The following SGCZ variants were observed in gnomAD, a reference collection of about 807,000 sequenced individuals.
The protein encoded by SGCZ is zeta-sarcoglycan.
SGCZ carries 40 observed loss-of-function variants against 41.3 expected under a neutral mutation model. That is an observed-to-expected ratio of 0.97 (90% CI 0.75 to 1.26). The LOEUF (loss-of-function observed/expected upper bound fraction) is 1.26, where lower values mean the gene tolerates loss of function less well. SGCZ is among the 50% of genes most tolerant of loss of function. The pLI is 0.00. For synonymous variants in SGCZ, 206 were observed against 137.5 expected, an observed-to-expected ratio of 1.50 and a Z score of -3.49; for missense variants, 552 against 369.8, an observed-to-expected ratio of 1.49 and a Z score of -4.04.
intron 1 of SGCZ, among the ~76,000 whole-genome samples, chr8:14,988,238 A>G (rs568734177): frequency 4.1e-5 from 6 of 147,648 alleles, no homozygotes; most frequent in Admixed American, 6.9e-5. Context: ...TATCCAATAT[A>G]AAGGTATACA....
chr8:14,247,820 G>A (rs2410185), intron 3 of SGCZ, among the ~76,000 whole-genome samples: 151,543 of 152,276 alleles, frequency 1, 75,413 homozygotes, highest in East Asian at 1. Flanking sequence ...TCACTATGGG[G>A]ACATGATTGA....
At chr8:14,861,259 T>G (rs1769145641) in intron 1 of SGCZ, among the ~76,000 whole-genome samples, 1 of 152,198 alleles carries the variant, frequency 6.6e-6, no homozygotes, top group Non-Finnish European at 1.5e-5. Context: ...CAATCACATG[T>G]GTTCAAAATA....
intron 2 of SGCZ, among the ~76,000 whole-genome samples, chr8:14,511,698 G>GA (rs1354371004): frequency 6.6e-6 from 1 of 152,138 alleles, no homozygotes; most frequent in East Asian, 1.9e-4. Context: ...ATTTAGGGAA[G>GA]AAAAGGACGT....
At chr8:14,540,664 T>A (rs1192895098) in intron 2 of SGCZ, among the ~76,000 whole-genome samples, 3 of 151,966 alleles carry the variant, frequency 2.0e-5, no homozygotes, top group African/African-American at 7.2e-5. Context: ...ATAATGTCCT[T>A]ATGTTAGTGA....
chr8:15,164,803 C>A (rs530382989), intron 1 of SGCZ, among the ~76,000 whole-genome samples: 1 of 152,100 alleles, frequency 6.6e-6, no homozygotes, highest in Admixed American at 6.6e-5. Flanking sequence ...GTGCTGCAAG[C>A]CTCCATCTTG....
chr8:14,663,925 C>A (rs905881195), intron 1 of SGCZ, among the ~76,000 whole-genome samples: 3 of 152,126 alleles, frequency 2.0e-5, no homozygotes, highest in Non-Finnish European at 4.4e-5. Context: ...AAGGATGGAA[C>A]AAGTTAGAGA....
At chr8:14,162,001 G>C (rs1037455801) in intron 5 of SGCZ, among the ~76,000 whole-genome samples, 7 of 152,098 alleles carry the variant, frequency 4.6e-5, no homozygotes, top group African/African-American at 1.7e-4. Context: ...CTGCCTTAAG[G>C]CACTGAATTA....
chr8:14,244,904 T>C (rs1245050015), intron 3 of SGCZ, among the ~76,000 whole-genome samples: 1 of 151,988 alleles, frequency 6.6e-6, no homozygotes, highest in Non-Finnish European at 1.5e-5. Context: ...TGTCTGTTAT[T>C]GGTGTATAAG....
chr8:14,136,926 G>T (rs1324386833), intron 5 of SGCZ, among the ~76,000 whole-genome samples: 1 of 152,196 alleles, frequency 6.6e-6, no homozygotes, highest in Non-Finnish European at 1.5e-5. Flanking sequence ...CATACAGCAG[G>T]TGCCCCTCTG....
chr8:15,121,129 AATGT>A (rs1206407417), intron 1 of SGCZ, among the ~76,000 whole-genome samples: 1 of 152,190 alleles, frequency 6.6e-6, no homozygotes, highest in East Asian at 1.9e-4. Flanking sequence ...ATTCGCACTC[AATGT>A]ATGATGCAAT....
Position 14,368,503 on chromosome 8 carries a change from T to G in SGCZ, c.235-44299A>C, listed in dbSNP as rs374918527. On this transcript the variant is annotated intron_variant, in intron 2 of 7. Coordinates refer to ENST00000382080, the MANE Select transcript of SGCZ (RefSeq NM_139167.4). ...AGCTTAAGACCTTAGTCCTCCATAC[T>G]AAAACTTCAACTTGACCATATGAGA... Among the ~76,000 whole-genome samples the G allele has an allele frequency of 1.2e-4, 18 of 152,192 alleles. No homozygotes were observed. The East Asian group carries it at 1.9e-3, about 16-fold the overall frequency.
At chr8:14,883,688 T>G (rs1434914653) in intron 1 of SGCZ, among the ~76,000 whole-genome samples, 2 of 151,950 alleles carry the variant, frequency 1.3e-5, no homozygotes, top group Non-Finnish European at 2.9e-5. Flanking sequence ...GGTTTCTAGA[T>G]TTCATCCTCT....
chr8:14,928,969 T>A (rs1436645723), intron 1 of SGCZ, among the ~76,000 whole-genome samples: 1 of 152,144 alleles, frequency 6.6e-6, no homozygotes, highest in East Asian at 1.9e-4. Flanking sequence ...ACTGCATTTT[T>A]AAATTATTTA....
At chr8:14,424,592 TC>T (rs1185121037) in intron 2 of SGCZ, among the ~76,000 whole-genome samples, 1 of 151,542 alleles carries the variant, frequency 6.6e-6, no homozygotes, top group Non-Finnish European at 1.5e-5. Context: ...CATCTATAAT[TC>T]ATATATTTTT....
intron 1 of SGCZ, among the ~76,000 whole-genome samples, chr8:14,859,538 G>C (rs998551958): frequency 7.9e-5 from 12 of 152,088 alleles, no homozygotes; most frequent in Non-Finnish European, 1.8e-4. Context: ...GATCCATACA[G>C]TAAGATTCAT....
intron 1 of SGCZ, among the ~76,000 whole-genome samples, chr8:14,939,491 CA>C (rs1563377614): frequency 6.6e-6 from 1 of 152,016 alleles, no homozygotes; most frequent in African/African-American, 2.4e-5. Context: ...TAAAATCAGG[CA>C]GACAACTTTT....
At chr8:15,225,947 T>A (rs150808769) in intron 1 of SGCZ, among the ~76,000 whole-genome samples, 4 of 152,194 alleles carry the variant, frequency 2.6e-5, no homozygotes, top group African/African-American at 7.2e-5. Context: ...TCTATGCACA[T>A]CTACATTGCC....
At chr8:14,662,903 T>C (rs1320643790) in intron 1 of SGCZ, among the ~76,000 whole-genome samples, 2 of 152,084 alleles carry the variant, frequency 1.3e-5, no homozygotes, top group East Asian at 3.9e-4. Flanking sequence ...CCAAGGGATG[T>C]GACAGTCTCT....
intron 1 of SGCZ, among the ~76,000 whole-genome samples, chr8:14,682,876 G>A (rs1200820304): frequency 6.6e-6 from 1 of 152,146 alleles, no homozygotes; most frequent in African/African-American, 2.4e-5. Context: ...GCTAGATTCA[G>A]TATTGTTTAA....
Sources: gnomAD v4.1 joint callset for allele counts (sites outside exome capture counted in the v4.1 genomes callset) on GRCh38, gnomAD v4.1.1 for gene constraint, MANE v1.5 for transcripts, NCBI Gene and HGNC (gene_info 2026-07-23, HGNC 2026-07-21) for gene names.